Variants in GRHPR observed in about 807,000 individuals in gnomAD.
GRHPR encodes glyoxylate reductase/hydroxypyruvate reductase.
A neutral mutation model predicts 36.8 loss-of-function variants in GRHPR; 35 were observed. The ratio of observed to expected loss-of-function variants is 0.95; its 90% CI spans 0.73 to 1.26. The LOEUF is 1.26. Among genes scored for constraint, GRHPR ranks in the 50% most tolerant of loss-of-function variants. The pLI is 0.00. For missense variants in GRHPR, 380 were observed against 435.0 expected (o/e 0.87, Z 1.12); for synonymous variants, 179 against 181.0 (o/e 0.99, Z 0.09).
At chr9:37,422,632 C>T, upstream of GRHPR, 2 of 814,818 alleles carry the variant, frequency 2.5e-6, no homozygotes, top group Non-Finnish European at 4.1e-6. Flanking sequence ...AGCCACACCC[C>T]CTGCGCACGC....
chr9:37,430,149 C>T (rs1588758277), intron 6 of GRHPR: 6 of 528,370 alleles, frequency 1.1e-5, no homozygotes, highest in African/African-American at 7.6e-5. Context: ...GGCACTTTCA[C>T]TGTCTTTTCC....
intron 3 of GRHPR, 128 bp downstream of exon 3, chr9:37,426,122 A>G (rs1489445675): frequency 3.3e-5 from 24 of 732,044 alleles, no homozygotes; most frequent in African/African-American, 5.2e-5. Flanking sequence ...GGCTGATGAT[A>G]GAATCTGTCC....
At chr9:37,425,035 G>C in intron 2 of GRHPR, 60 bp downstream of exon 2, 1 of 1,555,374 alleles carries the variant, frequency 6.4e-7, no homozygotes, top group Non-Finnish European at 8.8e-7. Context: ...CCCTCAGCCT[G>C]TGCTGCTGGC....
rs1383422680 is a variant in GRHPR, at chr9:37,422,759, G to A, written c.9G>A (p.Pro3=). 3.8e-6 allele frequency: 6 copies of A among 1,587,942 alleles called. No homozygotes were observed. The highest frequency in any genetic ancestry group is 1.1e-5 in the South Asian group (1 of 87,536). Residue 3 remains proline, a synonymous_variant, in exon 1 of 9, where the codon CCG becomes CCA. Coordinates refer to ENST00000318158, the MANE Select transcript of GRHPR (RefSeq NM_012203.2). The part of the protein sequence containing the change: MR[P]VRLMKVFVTR... ...CGGCGGCTGCACTGCGGATGAGACCGGTGCGACTCATGAAGGTGTTCGTCA... is the reference window on the plus strand; with the variant it reads ...CGGCGGCTGCACTGCGGATGAGACCAGTGCGACTCATGAAGGTGTTCGTCA...
In GRHPR at chr9:37,436,979, A is replaced by C. The variant is rs1823700481; in HGVS notation, c.*197A>C. 1.7e-6 allele frequency: 1 copy of C among 584,728 alleles called. No homozygotes were observed. The highest frequency in any genetic ancestry group is 3.3e-5 in the East Asian group (1 of 30,628). The allele number at this position is 584,728 out of a possible 1,614,324, so 36.2% of individuals were successfully genotyped here. A position where few individuals can be genotyped will look rare whatever the true frequency, so the allele number is the denominator to read the frequency against. ...AAGTATGGTAATTCTATTATTAAAT[A>C]ATTCTCTGAGAGACCGTCTTGGCCT... On this transcript the variant is annotated 3_prime_UTR_variant, in exon 9 of 9. Transcript: ENST00000318158.
In GRHPR at chr9:37,426,641, G is replaced by C; in HGVS notation, c.391G>C (p.Glu131Gln). Residue 131 changes from glutamate (E) to glutamine (Q), a missense_variant, in exon 4 of 9, where the codon GAG (glutamate) becomes CAG (glutamine). Transcript: ENST00000318158. ...TTCRRLPEAI[E>Q]EVKNGGWTSW... is the part of the protein sequence containing the mutation. ...CTGCCGCCGGTTGCCGGAGGCCATC[G>C]AGGAAGTGAAGAAGTAAGTGAACGC... The C allele has an allele frequency of 1.2e-6, 2 of 1,606,160 alleles. No homozygotes were observed. Among genetic ancestry groups the C allele is most frequent in the Non-Finnish European group, 1.7e-6 (2 of 1,172,822 alleles).
In GRHPR at chr9:37,436,800, A is replaced by C. The variant is rs1218085810; in HGVS notation, c.*18A>C. ...AGCTGTAGCCAAACAGTAGAGATGGAGGGCCGGGAAGCAAACCGTGCCCTG... is the reference window on the plus strand; with the variant it reads ...AGCTGTAGCCAAACAGTAGAGATGGCGGGCCGGGAAGCAAACCGTGCCCTG... On this transcript the variant is annotated 3_prime_UTR_variant, in exon 9 of 9. Coordinates refer to ENST00000318158, the MANE Select transcript of GRHPR (RefSeq NM_012203.2). The C allele has an allele frequency of 6.2e-7, 1 of 1,613,618 alleles. No individual in the cohort carries two copies. The highest frequency in any genetic ancestry group is 1.7e-5 in the Admixed American group (1 of 59,992).
At chr9:37,430,870 G>A (rs1475646653) in intron 7 of GRHPR, 2 of 650,034 alleles carry the variant, frequency 3.1e-6, no homozygotes, top group East Asian at 3.2e-5. Flanking sequence ...CTCAGCAGTG[G>A]CCCCCACCCG....
chr9:37,434,397 A>G, intron 8 of GRHPR: 1 of 509,544 alleles, frequency 2.0e-6, no homozygotes, highest in Admixed American at 3.0e-5. Flanking sequence ...TGCTTCCACT[A>G]TAGTATGGAG....
At position 37,430,879 on chromosome 9, in the gene GRHPR, CGGCGGGGCCTGGCACACAGCA is replaced by C. The variant is rs1823332337; in HGVS notation, c.734+235_734+255del. On this transcript the variant is annotated intron_variant, in intron 7 of 8. Transcript: ENST00000318158. ...CTGCTTCTCAGCAGTGGCCCCCACC[CGGCGGGGCCTGGCACACAGCA>C]GCGTGGCTTCAGGGAGTGTTCCCAG... is the stretch of plus-strand genomic sequence containing the variant. 9.4e-6 allele frequency: 6 copies of C among 636,358 alleles called. No individual in the cohort carries two copies. The East Asian group carries it at 2.0e-4, about 21-fold the overall frequency. 39.4% of individuals were successfully genotyped at this position (636,358 alleles called of 1,614,324 possible).
At chr9:37,431,604 T>TG (rs1022134684) in intron 7 of GRHPR, 8 of 267,972 alleles carry the variant, frequency 3.0e-5, no homozygotes, top group South Asian at 1.7e-4. Context: ...AGTGGGGGTC[T>TG]GGGGGTCAAC....
At chr9:37,422,570 C>T (rs1215689014), upstream of GRHPR, 8 of 651,456 alleles carry the variant, frequency 1.2e-5, no homozygotes, top group Non-Finnish European at 1.4e-5. Flanking sequence ...ACTGTCACTC[C>T]CCGAGCACGC....
chr9:37,423,875 T>G (rs917586533), intron 1 of GRHPR, among the ~76,000 whole-genome samples: 3 of 152,184 alleles, frequency 2.0e-5, no homozygotes, highest in Non-Finnish European at 4.4e-5. Context: ...GTATTATAAT[T>G]CCCATTGCAC....
chr9:37,426,592 C>T lies in GRHPR; in HGVS notation c.342C>T (p.Leu114=), dbSNP rs374108537. ...PDVLTDTTAE[L]AVSLLLTTCR... ...TCCTGACAGATACCACCGCCGAACTCGCAGTCTCCCTGCTACTTACCACCT... is the reference window on the plus strand; with the variant it reads ...TCCTGACAGATACCACCGCCGAACTTGCAGTCTCCCTGCTACTTACCACCT... The change falls in exon 4 of 9, where the codon CTC becomes CTT. Residue 114 remains leucine, a synonymous_variant. Transcript: ENST00000318158. 4.0e-5 allele frequency: 65 copies of T among 1,613,878 alleles called. No individual in the cohort carries two copies. The highest frequency in any genetic ancestry group is 8.3e-5 in the Admixed American group (5 of 60,004).
Position 37,426,700 on chromosome 9 carries a change from A to T in GRHPR, c.404+46A>T. ...TGCGGTGGCTCACGGCTGTAATCCC[A>T]GCACTTTGGGAGGCCAAAGTGAGCG... On this transcript the variant is annotated intron_variant, in intron 4 of 8. Transcript: ENST00000318158. 2.6e-6 allele frequency: 3 copies of T among 1,156,228 alleles called. 1 individual carries two copies. In the South Asian group the frequency reaches 3.7e-5, roughly 14 times the overall value. The allele number at this position is 1,156,228 out of a possible 1,614,324, so 71.6% of individuals were successfully genotyped here. A position where few individuals can be genotyped will look rare whatever the true frequency, so the allele number is the denominator to read the frequency against.
At chr9:37,425,653 C>G (rs1197908084) in intron 2 of GRHPR, among the ~76,000 whole-genome samples, 1 of 152,234 alleles carries the variant, frequency 6.6e-6, no homozygotes, top group Non-Finnish European at 1.5e-5. Context: ...GCTGGGTGGA[C>G]AGTCCAGTGG....
intron 4 of GRHPR, chr9:37,428,218 C>G (rs1823176876): frequency 3.5e-6 from 2 of 566,498 alleles, no homozygotes; most frequent in Admixed American, 3.0e-5. Flanking sequence ...GTCACCCTTT[C>G]TGGTTTGTTT....
chr9:37,430,916 G>A, intron 7 of GRHPR: 3 of 579,466 alleles, frequency 5.2e-6, no homozygotes, highest in South Asian at 3.1e-5. Context: ...GCTTCAGGGA[G>A]TGTTCCCAGG....
In GRHPR at chr9:37,432,007, G is replaced by T; in HGVS notation, c.735-1G>T. On this transcript the variant is annotated splice_acceptor_variant, in intron 7 of 8. Transcript: ENST00000318158. LOFTEE classifies it high-confidence loss of function. ...ACCCATGTCACCACTGTCATTCCCA[G>T]GGGCGACGTCGTAAACCAGGACGAC... 6.2e-7 allele frequency: 1 copy of T among 1,614,032 alleles called. No individual in the cohort carries two copies. Among genetic ancestry groups the T allele is most frequent in the South Asian group, 1.1e-5 (1 of 91,070 alleles).
Sources: allele counts gnomAD v4.1 joint callset (sites outside exome capture counted in the v4.1 genomes callset), GRCh38; gene constraint gnomAD v4.1.1; transcripts MANE v1.5; gene names NCBI Gene and HGNC (gene_info 2026-07-23, HGNC 2026-07-21).